ST8SIA4: variants seen among roughly 807,000 people sequenced by gnomAD.
The protein encoded by ST8SIA4 is ST8 alpha-N-acetyl-neuraminide alpha-2,8-sialyltransferase 4, also known as CMP-N-acetylneuraminate-poly-alpha-2,8-sialyltransferase.
A neutral mutation model predicts 33.9 loss-of-function variants in ST8SIA4; 15 were observed. The observed-to-expected ratio is 0.44, with a 90% CI of 0.30 to 0.68. The LOEUF (loss-of-function observed/expected upper bound fraction) is 0.68. Ranked by LOEUF, ST8SIA4 falls within the 30% of genes least tolerant of loss-of-function variation. The probability of loss-of-function intolerance (pLI) is 0.10; values close to 1 mark genes in which losing one functional copy is unlikely to be tolerated. For missense variants in ST8SIA4, 321 were observed against 428.0 expected (o/e 0.75, Z 2.21); for synonymous variants, 171 against 151.2 (o/e 1.13, Z -0.96).
intron 4 of ST8SIA4, among the ~76,000 whole-genome samples, chr5:100,827,760 G>A (rs1561386613): frequency 1.3e-5 from 2 of 152,142 alleles, no homozygotes; most frequent in African/African-American, 4.8e-5. Context: ...GTGGTCATAG[G>A]CAACTCTAAG....
chr5:100,850,779 A>ATG (rs1315859027), intron 4 of ST8SIA4, among the ~76,000 whole-genome samples: 25 of 126,578 alleles, frequency 2.0e-4, no homozygotes, highest in African/African-American at 7.4e-4. Flanking sequence ...TATTGTGTAG[A>ATG]TGTGTATATA....
At chr5:100,822,958 C>T (rs1397618253) in intron 4 of ST8SIA4, among the ~76,000 whole-genome samples, 3 of 151,990 alleles carry the variant, frequency 2.0e-5, no homozygotes, top group South Asian at 2.1e-4. Flanking sequence ...GGTGAAACCC[C>T]GTCTCTACTA....
Position 100,808,344 on chromosome 5 carries a change from T to C in ST8SIA4, c.*3503A>G, listed in dbSNP as rs928725349. On this transcript the variant is annotated 3_prime_UTR_variant, in exon 5 of 5. Transcript: ENST00000231461. ...ACACATTTGAATGCCCAGCACCTTC[T>C]TTCAGATAGAAAAACTTCCGCAGTA... 6.6e-6 allele frequency: 1 copy of C among 152,664 alleles called. No individual in the cohort carries two copies. The highest frequency in any genetic ancestry group is 1.5e-5 in the Non-Finnish European group (1 of 68,024). 9.5% of individuals were successfully genotyped at this position (152,664 alleles called of 1,614,324 possible).
At position 100,900,184 on chromosome 5, in the gene ST8SIA4, A is replaced by G. The variant is rs1752870656; in HGVS notation, c.113+2659T>C. On this transcript the variant is annotated intron_variant, in intron 1 of 4. Coordinates refer to ENST00000231461, the MANE Select transcript of ST8SIA4 (RefSeq NM_005668.6). ...AACTGCCTTGTATTGCAAAATTGGT[A>G]GCAGAAAAGCTAAATATGAATCTGG... 3 of 332,720 alleles carry G rather than the reference A, an allele frequency of 9.0e-6. No homozygotes were observed. In the Admixed American group the frequency reaches 1.2e-4, roughly 13 times the overall value. 20.6% of individuals were successfully genotyped at this position (332,720 alleles called of 1,614,324 possible).
chr5:100,897,779 T>G (rs1752812123), intron 1 of ST8SIA4, among the ~76,000 whole-genome samples: 1 of 152,202 alleles, frequency 6.6e-6, no homozygotes, highest in Non-Finnish European at 1.5e-5. Flanking sequence ...ACTATCCTAC[T>G]GATGAAAATG....
chr5:100,889,421 G>A (rs1462602126), intron 2 of ST8SIA4, among the ~76,000 whole-genome samples: 4 of 151,898 alleles, frequency 2.6e-5, no homozygotes, highest in Non-Finnish European at 5.9e-5. Flanking sequence ...CTCCCAAGAA[G>A]TGGCATGTTT....
chr5:100,815,544 T>C (rs1034843885), intron 4 of ST8SIA4, among the ~76,000 whole-genome samples: 2 of 151,948 alleles, frequency 1.3e-5, no homozygotes, highest in African/African-American at 4.8e-5. Flanking sequence ...ATAGAACATT[T>C]ATAACTTTTT....
At chr5:100,844,450 T>A (rs1751527085) in intron 4 of ST8SIA4, among the ~76,000 whole-genome samples, 1 of 151,894 alleles carries the variant, frequency 6.6e-6, no homozygotes, top group African/African-American at 2.4e-5. Context: ...TAACCCTGGC[T>A]ATTTGGGACA....
At position 100,903,038 on chromosome 5, in the gene ST8SIA4, C is replaced by T; in HGVS notation, c.-83G>A. 2 of 984,024 alleles carry T rather than the reference C, an allele frequency of 2.0e-6. No homozygotes were observed. Among genetic ancestry groups the T allele is most frequent in the Non-Finnish European group, 3.2e-6 (2 of 623,158 alleles). The allele number at this position is 984,024 out of a possible 1,614,324, so 61.0% of individuals were successfully genotyped here. ...AGGCTCCGTTTTGGGGAGATAGTCGCGGGGGTGAAATCTGTAAAATGCGAG... is the reference window on the plus strand; with the variant it reads ...AGGCTCCGTTTTGGGGAGATAGTCGTGGGGGTGAAATCTGTAAAATGCGAG... On this transcript the variant is annotated 5_prime_UTR_variant, in exon 1 of 5. Transcript: ENST00000231461.
At chr5:100,902,783 T>A in intron 1 of ST8SIA4, 60 bp downstream of exon 1, 1 of 1,408,384 alleles carries the variant, frequency 7.1e-7, no homozygotes, top group Non-Finnish European at 1.0e-6. Flanking sequence ...ACCCTCTATA[T>A]TCACATTTCA....
At chr5:100,864,947 C>T (rs1752031488) in intron 3 of ST8SIA4, among the ~76,000 whole-genome samples, 1 of 151,974 alleles carries the variant, frequency 6.6e-6, no homozygotes, top group Non-Finnish European at 1.5e-5. Context: ...TTATCTTGTC[C>T]ATACCTAACT....
chr5:100,809,130 A>G lies in ST8SIA4; in HGVS notation c.*2717T>C, dbSNP rs1263259968. 1 of 152,716 alleles carries G rather than the reference A, an allele frequency of 6.5e-6. No homozygotes were observed. Among genetic ancestry groups the G allele is most frequent in the East Asian group, 1.9e-4 (1 of 5,186 alleles). The allele number at this position is 152,716 out of a possible 1,614,324, so 9.5% of individuals were successfully genotyped here. A position where few individuals can be genotyped will look rare whatever the true frequency, so the allele number is the denominator to read the frequency against. On this transcript the variant is annotated 3_prime_UTR_variant, in exon 5 of 5. Transcript: ENST00000231461. ...GAGATATGTGTGCTGTGGCCTTAAC[A>G]TTGTTTAAATGTATTTACTGAAAAT...
At position 100,861,765 on chromosome 5, in the gene ST8SIA4, CT is replaced by C. The variant is rs367558297; in HGVS notation, c.504-5370del. 6.6e-5 allele frequency among the ~76,000 whole-genome samples: 10 copies of C among 152,160 alleles called. No homozygotes were observed. In the East Asian group the frequency reaches 1.7e-3, roughly 26 times the overall value. ...ACTTAACTTGTCCAAGCTTATAACTCTTTTTTTACTTCTTCCTTTATTGAAG... is the reference window on the plus strand; with the variant it reads ...ACTTAACTTGTCCAAGCTTATAACTCTTTTTTACTTCTTCCTTTATTGAAG... On this transcript the variant is annotated intron_variant, in intron 3 of 4. Coordinates refer to ENST00000231461, the MANE Select transcript of ST8SIA4 (RefSeq NM_005668.6).
At position 100,893,598 on chromosome 5, in the gene ST8SIA4, AAT is replaced by A. The variant is rs147284029; in HGVS notation, c.245+2054_245+2055del. Among the ~76,000 whole-genome samples the A allele has an allele frequency of 8.9e-3, 1,361 of 152,240 alleles. 20 individuals carry two copies. Among genetic ancestry groups the A allele is most frequent in the African/African-American group, 0.031 (1,291 of 41,560 alleles). ...AGTTAGGTTTACTACCCTTCACTTGAATATGTTATTAATAGCAAAATGTATAT... is the reference window on the plus strand; with the variant it reads ...AGTTAGGTTTACTACCCTTCACTTGAATGTTATTAATAGCAAAATGTATAT... On this transcript the variant is annotated intron_variant, in intron 2 of 4. Coordinates refer to ENST00000231461, the MANE Select transcript of ST8SIA4 (RefSeq NM_005668.6).
intron 2 of ST8SIA4, among the ~76,000 whole-genome samples, chr5:100,888,929 G>A (rs1256134911): frequency 1.3e-5 from 2 of 151,788 alleles, no homozygotes; most frequent in African/African-American, 2.4e-5. Context: ...CTGAATATCA[G>A]GTTCAAAACC....
rs756291858 is a variant in ST8SIA4 at position 100,886,390 on chromosome 5, T to G, written c.456A>C (p.Leu152Phe). 6.2e-7 allele frequency: 1 copy of G among 1,613,940 alleles called. No individual in the cohort carries two copies. Among genetic ancestry groups the G allele is most frequent in the Non-Finnish European group, 8.5e-7 (1 of 1,179,836 alleles). ...CAVVGNSGILLDSECGKEIDS... is the reference protein window; with the variant it reads ...CAVVGNSGILFDSECGKEIDS... ...CAATCTCCTTTCCACATTCACTGTC[T>G]AACAGAATGCCAGAATTTCCAACAA... Residue 152 changes from leucine (L) to phenylalanine (F), a missense_variant, in exon 3 of 5, where the codon TTA becomes TTC. Leu to Phe is a conservative substitution (Grantham distance 22, BLOSUM62 0). Coordinates refer to ENST00000231461, the MANE Select transcript of ST8SIA4 (RefSeq NM_005668.6).
At chr5:100,886,311 C>G (rs1470239048) in intron 3 of ST8SIA4, 32 bp downstream of exon 3, 4 of 1,591,868 alleles carry the variant, frequency 2.5e-6, no homozygotes, top group Non-Finnish European at 3.4e-6. Flanking sequence ...CTTTGAAAAA[C>G]TTACAATCTC....
In ST8SIA4 at chr5:100,849,472, T is replaced by C. The variant is rs1751639507; in HGVS notation, c.797+6631A>G. On this transcript the variant is annotated intron_variant, in intron 4 of 4. Transcript: ENST00000231461. ...TTTCGCAGAACCTGCAAAATACATA[T>C]GTGAGCTTGAATTTAAGAAACACTG... is the stretch of plus-strand genomic sequence containing the variant. 4.1e-6 allele frequency: 4 copies of C among 984,930 alleles called. No individual in the cohort carries two copies. In the African/African-American group the frequency reaches 5.2e-5, roughly 13 times the overall value. The allele number at this position is 984,930 out of a possible 1,614,324, so 61.0% of individuals were successfully genotyped here.
chr5:100,868,573 A>C (rs1752128735), intron 3 of ST8SIA4, among the ~76,000 whole-genome samples: 1 of 152,056 alleles, frequency 6.6e-6, no homozygotes, highest in African/African-American at 2.4e-5. Context: ...CAGTAGTTTC[A>C]GTCAAGATTC....
Sources: gnomAD v4.1 joint callset for allele counts (sites outside exome capture counted in the v4.1 genomes callset) on GRCh38, gnomAD v4.1.1 for gene constraint, MANE v1.5 for transcripts, NCBI Gene and HGNC (gene_info 2026-07-23, HGNC 2026-07-21) for gene names.